LDLRAD4: variants seen among roughly 807,000 people sequenced by gnomAD.
The protein encoded by LDLRAD4 is low-density lipoprotein receptor class A domain-containing protein 4.
Under a neutral mutation model 17.0 loss-of-function variants are expected in LDLRAD4, and 5 were observed. The observed-to-expected ratio is 0.29, with a 90% CI of 0.15 to 0.62. The LOEUF (loss-of-function observed/expected upper bound fraction) is 0.62, where lower values mean the gene tolerates loss of function less well. LDLRAD4 is among the 20% of genes least tolerant of loss of function. The pLI, the probability that LDLRAD4 is intolerant of heterozygous loss-of-function variation, is 0.84. For synonymous variants in LDLRAD4, 168 were observed against 171.8 expected, an observed-to-expected ratio of 0.98 and a Z score of 0.17; for missense variants, 340 against 424.7, an observed-to-expected ratio of 0.80 and a Z score of 1.75.
chr18:13,465,473 G>A (rs2092584587), intron 3 of LDLRAD4, among the ~76,000 whole-genome samples: 1 of 152,232 alleles, frequency 6.6e-6, no homozygotes, highest in East Asian at 1.9e-4. Context: ...CCATGAAAAT[G>A]AGTAAAGGGG....
chr18:13,238,438 A>C (rs2042444570), intron 1 of LDLRAD4, among the ~76,000 whole-genome samples: 3 of 152,226 alleles, frequency 2.0e-5, no homozygotes, highest in Admixed American at 2.0e-4. Context: ...GCACTGTTGG[A>C]TGCACCTGAT....
intron 2 of LDLRAD4, among the ~76,000 whole-genome samples, chr18:13,393,206 T>G (rs938121897): frequency 6.6e-6 from 1 of 152,220 alleles, no homozygotes; most frequent in Non-Finnish European, 1.5e-5. Flanking sequence ...GCCCAGAGAA[T>G]GCTCGCTTTA....
At chr18:13,331,707 C>G (rs943420708) in intron 1 of LDLRAD4, among the ~76,000 whole-genome samples, 9 of 152,128 alleles carry the variant, frequency 5.9e-5, no homozygotes, top group Admixed American at 5.2e-4. Flanking sequence ...TCTTGCAATG[C>G]TTTATGATTT....
At chr18:13,523,893 C>G (rs1601082852) in intron 3 of LDLRAD4, among the ~76,000 whole-genome samples, 1 of 152,182 alleles carries the variant, frequency 6.6e-6, no homozygotes, top group African/African-American at 2.4e-5. Flanking sequence ...CTCTGGGTCT[C>G]TAGCATTCCT....
chr18:13,496,729 G>T (rs764583362), intron 3 of LDLRAD4, among the ~76,000 whole-genome samples: 1 of 147,634 alleles, frequency 6.8e-6, no homozygotes, highest in Non-Finnish European at 1.5e-5. Context: ...GGATTGGGAG[G>T]TGGGAGGGAA....
intron 3 of LDLRAD4, among the ~76,000 whole-genome samples, chr18:13,546,022 TC>T (rs1389889662): frequency 6.6e-6 from 1 of 152,060 alleles, no homozygotes; most frequent in African/African-American, 2.4e-5. Context: ...CCCATTACCT[TC>T]CCCCTCTGGA....
intron 1 of LDLRAD4, among the ~76,000 whole-genome samples, chr18:13,370,391 C>T (rs1447412014): frequency 6.6e-6 from 1 of 152,156 alleles, no homozygotes; most frequent in South Asian, 2.1e-4. Flanking sequence ...GGATGGACAC[C>T]GAGGGGAACA....
intron 3 of LDLRAD4, among the ~76,000 whole-genome samples, chr18:13,567,185 A>G (rs1271392181): frequency 1.3e-5 from 2 of 152,232 alleles, no homozygotes; most frequent in Non-Finnish European, 2.9e-5. Context: ...TAGTTTAACT[A>G]TGACGTGCAT....
At chr18:13,278,912 T>G (rs1254594915) in intron 1 of LDLRAD4, among the ~76,000 whole-genome samples, 1 of 152,226 alleles carries the variant, frequency 6.6e-6, no homozygotes, top group Non-Finnish European at 1.5e-5. Flanking sequence ...CCCAGCCTTT[T>G]CCTTTCTGGT....
At chr18:13,543,072 T>A (rs2094309350) in intron 3 of LDLRAD4, 1 of 152,152 alleles carries the variant, frequency 6.6e-6, no homozygotes, top group African/African-American at 2.4e-5. Context: ...CTTCGGAAGG[T>A]AATTTAGGGA....
At chr18:13,630,496 G>T (rs1217378781) in intron 4 of LDLRAD4, among the ~76,000 whole-genome samples, 2 of 152,214 alleles carry the variant, frequency 1.3e-5, no homozygotes, top group East Asian at 3.8e-4. Flanking sequence ...CCTCTTCTTT[G>T]AAATTCTCAC....
intron 3 of LDLRAD4, among the ~76,000 whole-genome samples, chr18:13,485,462 G>T (rs2147013311): frequency 6.6e-6 from 1 of 152,324 alleles, no homozygotes; most frequent in African/African-American, 2.4e-5. Flanking sequence ...CTCCATGTCT[G>T]CAGGCCAGGG....
intron 2 of LDLRAD4, among the ~76,000 whole-genome samples, chr18:13,432,086 GT>G (rs1301329166): frequency 1.3e-5 from 2 of 152,186 alleles, no homozygotes; most frequent in African/African-American, 2.4e-5. Flanking sequence ...TAACACGCCG[GT>G]GCAGTCTCGC....
Position 13,285,398 on chromosome 18 carries a change from A to G in LDLRAD4, c.-383+7210A>G, listed in dbSNP as rs555546039. On this transcript the variant is annotated intron_variant, in intron 1 of 5. Transcript: ENST00000359446. ...CATGAGTGGGCAGAGGGTGACATGG[A>G]CAGGCTTGCCGAGGACAGTCAGGGG... Among the ~76,000 whole-genome samples the G allele has an allele frequency of 3.3e-5, 5 of 152,312 alleles. No individual in the cohort carries two copies. In the South Asian group the frequency reaches 1.0e-3, roughly 32 times the overall value.
chr18:13,455,295 A>G (rs923487557), intron 3 of LDLRAD4, among the ~76,000 whole-genome samples: 2 of 152,234 alleles, frequency 1.3e-5, no homozygotes, highest in Non-Finnish European at 2.9e-5. Context: ...CAAGATAGGC[A>G]GCGAAAACTG....
intron 3 of LDLRAD4, among the ~76,000 whole-genome samples, chr18:13,550,084 A>C (rs2094415373): frequency 6.6e-6 from 1 of 152,228 alleles, no homozygotes; most frequent in African/African-American, 2.4e-5. Context: ...AAGAAAGCAG[A>C]CACAGTTGCT....
Position 13,645,863 on chromosome 18 carries a change from G to A in LDLRAD4, c.*206G>A, listed in dbSNP as rs143938386. ...ATACAAACTTCCATCTGGTCTGACC[G>A]CAAACAGTGTTTATTTGGGGACAGG... On this transcript the variant is annotated 3_prime_UTR_variant, in exon 6 of 6. Coordinates refer to ENST00000359446, the Ensembl canonical transcript of LDLRAD4. This position sits in a 1 kb window ranked among gnomAD's most constrained non-coding sequence, Gnocchi z 5.7. The A allele has an allele frequency of 3.4e-5, 14 of 415,176 alleles. No homozygotes were observed. The East Asian group carries it at 4.0e-4, about 12-fold the overall frequency. 25.7% of individuals were successfully genotyped at this position (415,176 alleles called of 1,614,324 possible).
intron 1 of LDLRAD4, among the ~76,000 whole-genome samples, chr18:13,312,511 G>A (rs2047294716): frequency 6.6e-6 from 1 of 152,112 alleles, no homozygotes; most frequent in Admixed American, 6.5e-5. Context: ...GGATGCTAAG[G>A]CGGGAGTACC....
At chr18:13,294,590 C>G (rs116558762) in intron 1 of LDLRAD4, among the ~76,000 whole-genome samples, 120 of 152,276 alleles carry the variant, frequency 7.9e-4, no homozygotes, top group African/African-American at 2.6e-3. Context: ...CCTGAGGTCC[C>G]AGCCTTCCTA....
Sources: gnomAD v4.1 joint callset for allele counts (sites outside exome capture counted in the v4.1 genomes callset) on GRCh38, gnomAD v4.1.1 for gene constraint, Gnocchi (gnomAD v3.1) non-coding constraint, MANE v1.5 for transcripts, NCBI Gene and HGNC (gene_info 2026-07-23, HGNC 2026-07-21) for gene names.